ADAMTS20: variants seen among roughly 807,000 people sequenced by gnomAD.
ADAMTS20 encodes the protein ADAM metallopeptidase with thrombospondin type 1 motif 20, also known as A disintegrin and metalloproteinase with thrombospondin motifs 20.
A neutral mutation model predicts 260.1 loss-of-function variants in ADAMTS20; 225 were observed. The ratio of observed to expected loss-of-function variants is 0.87; its 90% CI spans 0.78 to 0.97. The LOEUF (loss-of-function observed/expected upper bound fraction) is 0.97, where lower values mean the gene tolerates loss of function less well. Among genes scored for constraint, ADAMTS20 ranks in the 50% least tolerant of loss-of-function variants. The pLI, the probability that ADAMTS20 is intolerant of heterozygous loss-of-function variation, is 0.00. For synonymous variants in ADAMTS20, 802 were observed against 769.5 expected, an observed-to-expected ratio of 1.04 and a Z score of -0.70; for missense variants, 2,400 against 2,337.7, an observed-to-expected ratio of 1.03 and a Z score of -0.55.
chr12:43,504,013 G>A (rs898252089), intron 3 of ADAMTS20, among the ~76,000 whole-genome samples: 1 of 152,052 alleles, frequency 6.6e-6, no homozygotes, highest in Non-Finnish European at 1.5e-5. Flanking sequence ...AAATAGTGCT[G>A]CAGTGAACAT....
chr12:43,475,688 C>T (rs969808343), intron 7 of ADAMTS20, among the ~76,000 whole-genome samples: 38 of 149,262 alleles, frequency 2.5e-4, no homozygotes, highest in Non-Finnish European at 4.3e-4. Context: ...GAAATAACGC[C>T]GCATACCTAC....
chr12:43,493,159 C>T lies in ADAMTS20; in HGVS notation c.951+11G>A, dbSNP rs1383380908. 1 of 1,538,982 alleles carries T rather than the reference C, an allele frequency of 6.5e-7. No homozygotes were observed. The highest frequency in any genetic ancestry group is 8.8e-7 in the Non-Finnish European group (1 of 1,134,654). On this transcript the variant is annotated intron_variant, in intron 5 of 38. Transcript: ENST00000389420. ...ACAACTAAGGTTACTAATTTTAGACCTGTTTCTTACCTCCTCACGGTGAAT... is the reference window on the plus strand; with the variant it reads ...ACAACTAAGGTTACTAATTTTAGACTTGTTTCTTACCTCCTCACGGTGAAT...
At chr12:43,392,720 G>T (rs1174793319) in intron 29 of ADAMTS20, among the ~76,000 whole-genome samples, 1 of 151,880 alleles carries the variant, frequency 6.6e-6, no homozygotes, top group Non-Finnish European at 1.5e-5. Flanking sequence ...AACACATTTG[G>T]CACCACTGAT....
At chr12:43,455,697 T>C (rs1565556575) in intron 11 of ADAMTS20, among the ~76,000 whole-genome samples, 2 of 148,968 alleles carry the variant, frequency 1.3e-5, no homozygotes, top group African/African-American at 4.9e-5. Context: ...CAATGGACAC[T>C]GGGTTGCTTT....
chr12:43,492,358 C>G, intron 6 of ADAMTS20, 147 bp downstream of exon 6: 1 of 938,792 alleles, frequency 1.1e-6, no homozygotes. Flanking sequence ...CCACCCTGGG[C>G]GACAGAGCGA....
At chr12:43,472,406 C>T (rs1463188233) in intron 7 of ADAMTS20, among the ~76,000 whole-genome samples, 1 of 141,996 alleles carries the variant, frequency 7.0e-6, no homozygotes, top group Non-Finnish European at 1.5e-5. Flanking sequence ...AGTTGGAAAA[C>T]ACTCTGCAGG....
chr12:43,493,017 T>C (rs1008794472), intron 5 of ADAMTS20, among the ~76,000 whole-genome samples, 153 bp downstream of exon 5: 3 of 152,166 alleles, frequency 2.0e-5, no homozygotes, highest in Admixed American at 6.5e-5. Flanking sequence ...TTTATTTCCA[T>C]CACAACAAAT....
At chr12:43,422,951 A>T (rs1941262904) in intron 28 of ADAMTS20, 1 of 152,106 alleles carries the variant, frequency 6.6e-6, no homozygotes, top group South Asian at 2.1e-4. Context: ...TTACATAAAC[A>T]TTGCATGAAT....
chr12:43,550,902 C>T lies in ADAMTS20; in HGVS notation c.453+7G>A. The T allele has an allele frequency of 6.5e-7, 1 of 1,532,674 alleles. No individual in the cohort carries two copies. Among genetic ancestry groups the T allele is most frequent in the Non-Finnish European group, 8.8e-7 (1 of 1,138,194 alleles). The allele number at this position is 1,532,674 out of a possible 1,614,324, so 94.9% of individuals were successfully genotyped here. A position where few individuals can be genotyped will look rare whatever the true frequency, so the allele number is the denominator to read the frequency against. On this transcript the variant is annotated splice_region_variant and intron_variant, in intron 2 of 38. Transcript: ENST00000389420. ...AAGAAAATGCCAAGGGACCCGAGGACACTCACCAGGCCTCCGCATAAGCTG... is the reference window on the plus strand; with the variant it reads ...AAGAAAATGCCAAGGGACCCGAGGATACTCACCAGGCCTCCGCATAAGCTG...
intron 36 of ADAMTS20, among the ~76,000 whole-genome samples, chr12:43,374,173 C>G (rs1184348462): frequency 6.6e-6 from 1 of 151,984 alleles, no homozygotes; most frequent in Admixed American, 6.6e-5. Context: ...TTATTGTAAC[C>G]ATAGTAATAT....
At chr12:43,481,399 A>T (rs187440344) in intron 7 of ADAMTS20, among the ~76,000 whole-genome samples, 27 of 152,370 alleles carry the variant, frequency 1.8e-4, no homozygotes, top group African/African-American at 6.2e-4. Context: ...CCTACAGCAA[A>T]TATTTTTCTT....
intron 27 of ADAMTS20, among the ~76,000 whole-genome samples, chr12:43,426,940 G>A (rs1260907043): frequency 6.6e-6 from 1 of 152,124 alleles, no homozygotes; most frequent in Non-Finnish European, 1.5e-5. Context: ...AAATAAATTA[G>A]TCGGGAGAAT....
intron 28 of ADAMTS20, among the ~76,000 whole-genome samples, chr12:43,408,702 T>C (rs1258413461): frequency 2.0e-5 from 3 of 152,214 alleles, no homozygotes; most frequent in Non-Finnish European, 4.4e-5. Flanking sequence ...GGGAGAATGT[T>C]TTAGAGATTA....
chr12:43,512,687 C>G (rs1292661455), intron 3 of ADAMTS20, among the ~76,000 whole-genome samples: 4 of 152,108 alleles, frequency 2.6e-5, no homozygotes, highest in Non-Finnish European at 5.9e-5. Context: ...AAACTTGAAA[C>G]AAATCATTAC....
rs1191375803 is a variant in ADAMTS20, at chr12:43,428,422, T to C, written c.3764A>G (p.Glu1255Gly). 1 of 1,613,888 alleles carries C rather than the reference T, an allele frequency of 6.2e-7. No homozygotes were observed. Among genetic ancestry groups the C allele is most frequent in the Admixed American group, 1.7e-5 (1 of 59,986 alleles). The change falls in exon 26 of 39, where the codon GAA (glutamate) becomes GGA (glycine). Residue 1255 changes from glutamate to glycine, a missense_variant. Transcript: ENST00000389420. ...GCAGGCTGCCAGGCTACATTCCTGTTCCATCAAAGGGCGAACTTCAGGATC... is the reference window on the plus strand; with the variant it reads ...GCAGGCTGCCAGGCTACATTCCTGTCCCATCAAAGGGCGAACTTCAGGATC... ...YCDPEVRPLMEQECSLAACPP... is the reference protein window; with the variant it reads ...YCDPEVRPLMGQECSLAACPP...
At chr12:43,549,263 A>T (rs959045522) in intron 2 of ADAMTS20, among the ~76,000 whole-genome samples, 1 of 151,902 alleles carries the variant, frequency 6.6e-6, no homozygotes, top group Non-Finnish European at 1.5e-5. Flanking sequence ...ATTAATATTA[A>T]TTTTTAGATA....
At chr12:43,389,378 A>C (rs2137236503) in intron 29 of ADAMTS20, among the ~76,000 whole-genome samples, 1 of 152,368 alleles carries the variant, frequency 6.6e-6, no homozygotes, top group African/African-American at 2.4e-5. Context: ...AAAGAAGAAA[A>C]GGGTAATAGG....
chr12:43,530,050 C>G (rs1487108369), intron 3 of ADAMTS20, among the ~76,000 whole-genome samples: 1 of 151,982 alleles, frequency 6.6e-6, no homozygotes, highest in East Asian at 1.9e-4. Context: ...CTACCTTTTA[C>G]ATTTTGTTAG....
At chr12:43,518,960 C>T (rs969298820) in intron 3 of ADAMTS20, among the ~76,000 whole-genome samples, 2 of 152,120 alleles carry the variant, frequency 1.3e-5, no homozygotes, top group African/African-American at 4.8e-5. Flanking sequence ...CCTGATTCAG[C>T]ACCTCACCAC....
Sources: allele counts gnomAD v4.1 joint callset (sites outside exome capture counted in the v4.1 genomes callset), GRCh38; gene constraint gnomAD v4.1.1; transcripts MANE v1.5; gene names NCBI Gene and HGNC (gene_info 2026-07-23, HGNC 2026-07-21).